The following CCDC50 variants were observed in gnomAD, a reference collection of about 807,000 sequenced individuals.
CCDC50 encodes coiled-coil domain containing 50.
In CCDC50, 54 loss-of-function variants were observed where a neutral mutation model predicts 70.2. That is an observed-to-expected ratio of 0.77 (90% CI 0.62 to 0.96). The LOEUF is 0.96. Among genes scored for constraint, CCDC50 ranks in the 50% least tolerant of loss-of-function variants. The probability of loss-of-function intolerance (pLI) is 0.00; values close to 1 mark genes in which losing one functional copy is unlikely to be tolerated. For synonymous variants in CCDC50, 216 were observed against 198.8 expected (o/e 1.09, Z -0.73); for missense variants, 558 against 578.7 (o/e 0.96, Z 0.37).
rs438589 is a variant in CCDC50 at position 191,389,827 on chromosome 3, G to A, written c.1429+225G>A. ...TGTGTATTTGCATTTTCCTCGAGAG[G>A]GAGCACAACGCTTTCATCAAATTCA... On this transcript the variant is annotated intron_variant, in intron 11 of 11. Transcript: ENST00000392455. Among the ~76,000 whole-genome samples, 62,764 of 148,966 alleles carry A rather than the reference G, an allele frequency of 0.42. 14,970 individuals carry two copies. Among genetic ancestry groups the A allele is most frequent in the Non-Finnish European group, 0.53 (36,127 of 67,708 alleles).
intron 1 of CCDC50, among the ~76,000 whole-genome samples, chr3:191,329,991 C>G (rs1312421957): frequency 1.3e-5 from 2 of 150,846 alleles, no homozygotes; most frequent in East Asian, 2.0e-4. Context: ...TGGCTGTGCC[C>G]GTGTTCTCGT....
At chr3:191,382,946 G>A in intron 10 of CCDC50, 121 bp downstream of exon 10, 2 of 724,408 alleles carry the variant, frequency 2.8e-6, no homozygotes, top group Middle Eastern at 2.4e-4. Flanking sequence ...GCATTTGTAA[G>A]GTAGTGTCAA....
At chr3:191,389,750 A>G (rs909067859) in intron 11 of CCDC50, 148 bp downstream of exon 11, 20 of 664,912 alleles carry the variant, frequency 3.0e-5, no homozygotes, top group Non-Finnish European at 4.8e-5. Flanking sequence ...TCATTTATTA[A>G]AACAGTAACA....
At position 191,343,752 on chromosome 3, in the gene CCDC50, G is replaced by T. The variant is rs78115576; in HGVS notation, c.50-13336G>T. The stretch of plus-strand genomic sequence containing the variant: ...TTGAAATTCATAAATGTTCACATTT[G>T]TTAATCAGAATCCAGGGTACTTCAG... On this transcript the variant is annotated intron_variant, in intron 1 of 11. Transcript: ENST00000392455. 4.3e-3 allele frequency among the ~76,000 whole-genome samples: 659 copies of T among 152,276 alleles called. 8 individuals carry two copies. The highest frequency in any genetic ancestry group is 0.037 in the East Asian group (194 of 5,182).
chr3:191,352,195 T>C (rs297396), intron 1 of CCDC50, among the ~76,000 whole-genome samples: 71,487 of 140,488 alleles, frequency 0.51, 25,122 homozygotes, highest in East Asian at 0.92. Context: ...TGATATTTCA[T>C]CTCAGTGATG....
intron 10 of CCDC50, among the ~76,000 whole-genome samples, chr3:191,383,864 G>A (rs1713404020): frequency 1.3e-5 from 2 of 152,094 alleles, no homozygotes; most frequent in African/African-American, 2.4e-5. Context: ...AACTCTATAG[G>A]TTAGTACATT....
intron 10 of CCDC50, among the ~76,000 whole-genome samples, chr3:191,389,219 A>G (rs1247455760): frequency 6.6e-6 from 1 of 152,122 alleles, no homozygotes; most frequent in Admixed American, 6.5e-5. Flanking sequence ...CAGCAGTCAC[A>G]TCTCACTAAT....
rs1247247056 is a variant in CCDC50, at chr3:191,362,310, A to C, written c.330+1151A>C. Among the ~76,000 whole-genome samples the C allele has an allele frequency of 3.3e-5, 5 of 151,614 alleles. No individual in the cohort carries two copies. In the East Asian group the frequency reaches 5.8e-4, roughly 18 times the overall value. Reference sequence around the variant, plus strand: ...TATTTAAACATTTTTTTTTTTGTAGAGACGAGGTCTCACTATGTTGCCCAG... The same window carrying C: ...TATTTAAACATTTTTTTTTTTGTAGCGACGAGGTCTCACTATGTTGCCCAG... On this transcript the variant is annotated intron_variant, in intron 4 of 11. Coordinates refer to ENST00000392455, the MANE Select transcript of CCDC50 (RefSeq NM_178335.3).
chr3:191,329,849 G>A (rs1205481362), intron 1 of CCDC50, 126 bp downstream of exon 1: 1 of 856,460 alleles, frequency 1.2e-6, no homozygotes, highest in Non-Finnish European at 1.7e-6. Context: ...CGTTGGCCTT[G>A]CCCGGACGTG....
intron 1 of CCDC50, among the ~76,000 whole-genome samples, chr3:191,354,140 A>G (rs140627688): frequency 0.012 from 1,838 of 152,330 alleles, 23 homozygotes; most frequent in South Asian, 0.025. Flanking sequence ...TTAAAATGTA[A>G]TATGTAAGAC....
chr3:191,365,743 T>C (rs555611069), intron 4 of CCDC50, among the ~76,000 whole-genome samples: 1 of 152,294 alleles, frequency 6.6e-6, no homozygotes, highest in Non-Finnish European at 1.5e-5. Flanking sequence ...CCAGATTTCC[T>C]CTTTTTGAAA....
rs771452509 is a variant in CCDC50 at position 191,375,404 on chromosome 3, A to G, written c.791A>G (p.Asn264Ser). 3.1e-6 allele frequency: 5 copies of G among 1,613,798 alleles called. 1 individual carries two copies. The South Asian group carries it at 5.5e-5, about 18-fold the overall frequency. Residue 264 changes from asparagine to serine, a missense_variant, in exon 6 of 12, where the codon AAT becomes AGT. By Grantham distance (46) the Asn-to-Ser change is conservative. Coordinates refer to ENST00000392455, the MANE Select transcript of CCDC50 (RefSeq NM_178335.3). ...ACTAAGATTAACCATCAGACTCGAA[A>G]TTGGGAAAAACAGTCTCGACACCAA... ...WETKINHQTR[N>S]WEKQSRHQDR...
At chr3:191,346,263 T>TTA (rs1425273903) in intron 1 of CCDC50, among the ~76,000 whole-genome samples, 1 of 152,226 alleles carries the variant, frequency 6.6e-6, no homozygotes, top group Non-Finnish European at 1.5e-5. Flanking sequence ...TCTCTCTTTA[T>TTA]TATGAAATAT....
chr3:191,367,771 C>T (rs372979146), intron 4 of CCDC50, among the ~76,000 whole-genome samples: 3 of 152,028 alleles, frequency 2.0e-5, no homozygotes, highest in East Asian at 3.8e-4. Context: ...TACTGTAAAG[C>T]AAACCACGTA....
intron 1 of CCDC50, among the ~76,000 whole-genome samples, chr3:191,345,643 A>G (rs1469379570): frequency 1.3e-5 from 2 of 152,172 alleles, no homozygotes; most frequent in Non-Finnish European, 2.9e-5. Flanking sequence ...CTTGCCTGCA[A>G]TCTGGTGTAT....
chr3:191,398,458 T>C lies in CCDC50; in HGVS notation c.*6698T>C, dbSNP rs891807412. The C allele has an allele frequency of 6.6e-6, 1 of 152,208 alleles. No homozygotes were observed. Among genetic ancestry groups the C allele is most frequent in the Non-Finnish European group, 1.5e-5 (1 of 68,036 alleles). The allele number at this position is 152,208 out of a possible 1,614,324, so 9.4% of individuals were successfully genotyped here. On this transcript the variant is annotated 3_prime_UTR_variant, in exon 12 of 12. Coordinates refer to ENST00000392455, the MANE Select transcript of CCDC50 (RefSeq NM_178335.3). ...GTGGTCTCTGTCTCATGTTTTTGTT[T>C]TGTTTCTTTACAGCATTCAAGGACA... is the stretch of plus-strand genomic sequence containing the variant.
Position 191,391,838 on chromosome 3 carries a change from C to T in CCDC50, c.*78C>T. 1 of 1,307,698 alleles carries T rather than the reference C, an allele frequency of 7.6e-7. No individual in the cohort carries two copies. The allele number at this position is 1,307,698 out of a possible 1,614,324, so 81.0% of individuals were successfully genotyped here. A position where few individuals can be genotyped will look rare whatever the true frequency, so the allele number is the denominator to read the frequency against. Reference sequence around the variant, plus strand: ...TGATACAGAATGAATTCTACACTTACTTTTTTTCTCCTGTGTTTGCATTCC... The same window carrying T: ...TGATACAGAATGAATTCTACACTTATTTTTTTTCTCCTGTGTTTGCATTCC... On this transcript the variant is annotated 3_prime_UTR_variant, in exon 12 of 12. Coordinates refer to ENST00000392455, the MANE Select transcript of CCDC50 (RefSeq NM_178335.3).
intron 1 of CCDC50, among the ~76,000 whole-genome samples, chr3:191,331,674 A>G (rs891723804): frequency 2.6e-5 from 4 of 152,210 alleles, no homozygotes. Flanking sequence ...GTGATGTATT[A>G]TACTAGGAAT....
chr3:191,383,123 A>G (rs957746208), intron 10 of CCDC50, among the ~76,000 whole-genome samples: 3 of 152,108 alleles, frequency 2.0e-5, no homozygotes, highest in Admixed American at 2.0e-4. Flanking sequence ...TTGGGGAATG[A>G]GAGTGATTTT....
Sources: gnomAD v4.1 joint callset for allele counts (sites outside exome capture counted in the v4.1 genomes callset) on GRCh38, gnomAD v4.1.1 for gene constraint, MANE v1.5 for transcripts, NCBI Gene and HGNC (gene_info 2026-07-23, HGNC 2026-07-21) for gene names.